The following ENPEP variants were observed in gnomAD, a reference collection of about 807,000 sequenced individuals.
ENPEP encodes AP-A.
In ENPEP, 103 loss-of-function variants were observed where a neutral mutation model predicts 114.5. The observed-to-expected ratio is 0.90, with a 90% CI of 0.77 to 1.06. The LOEUF (loss-of-function observed/expected upper bound fraction) is 1.06. ENPEP is among the 50% of genes least tolerant of loss of function. The pLI, the probability that ENPEP is intolerant of heterozygous loss-of-function variation, is 0.00. For synonymous variants in ENPEP, 420 were observed against 422.0 expected, an observed-to-expected ratio of 1.00 and a Z score of 0.06; for missense variants, 1,196 against 1,161.3, an observed-to-expected ratio of 1.03 and a Z score of -0.43.
At position 110,509,679 on chromosome 4, in the gene ENPEP, A is replaced by C. The variant is rs1457783068; in HGVS notation, c.1066A>C (p.Thr356Pro). 3 of 1,613,356 alleles carry C rather than the reference A, an allele frequency of 1.9e-6. No individual in the cohort carries two copies. The highest frequency in any genetic ancestry group is 1.7e-6 in the Non-Finnish European group (2 of 1,179,854). Residue 356 changes from threonine to proline, a missense_variant, in exon 5 of 20, where the codon ACT becomes CCT. Coordinates refer to ENST00000265162, the MANE Select transcript of ENPEP (RefSeq NM_001977.4). ...LDKIAIPDFG[T>P]GAMENWGLIT... is the part of the protein sequence containing the mutation. Reference sequence around the variant, plus strand: ...TAAAATCGCTATTCCAGATTTTGGCACTGGTGCCATGGAGAACTGGGGACT... The same window carrying C: ...TAAAATCGCTATTCCAGATTTTGGCCCTGGTGCCATGGAGAACTGGGGACT...
At chr4:110,515,742 G>A (rs1412271578) in intron 8 of ENPEP, 1 of 499,978 alleles carries the variant, frequency 2.0e-6, no homozygotes, top group Admixed American at 2.3e-5. Context: ...CCATAGACTG[G>A]GTGGCTTAAA....
At position 110,563,666 on chromosome 4, in the gene ENPEP, A is replaced by G. The variant is rs1727746092; in HGVS notation, c.*2108A>G. The G allele has an allele frequency of 6.6e-6, 1 of 152,228 alleles. No individual in the cohort carries two copies. Among genetic ancestry groups the G allele is most frequent in the Admixed American group, 6.5e-5 (1 of 15,278 alleles). The allele number at this position is 152,228 out of a possible 1,614,324, so 9.4% of individuals were successfully genotyped here. A position where few individuals can be genotyped will look rare whatever the true frequency, so the allele number is the denominator to read the frequency against. ...TTAAATAATTAATTTTAATTGAAAA[A>G]AAGTAACCATTTAATTTCAAGAATT... On this transcript the variant is annotated 3_prime_UTR_variant, in exon 20 of 20. Transcript: ENST00000265162.
At chr4:110,556,848 A>G (rs1727490784) in intron 18 of ENPEP, among the ~76,000 whole-genome samples, 1 of 152,142 alleles carries the variant, frequency 6.6e-6, no homozygotes, top group South Asian at 2.1e-4. Context: ...CCATCCAGTA[A>G]ATATTGTGGA....
intron 11 of ENPEP, among the ~76,000 whole-genome samples, chr4:110,538,528 C>T (rs561436837): frequency 2.3e-4 from 35 of 152,254 alleles, no homozygotes; most frequent in African/African-American, 8.2e-4. Context: ...GCCATCTATC[C>T]GGAGAGCTAG....
chr4:110,498,238 C>T (rs1387725214), intron 3 of ENPEP, among the ~76,000 whole-genome samples: 1 of 152,090 alleles, frequency 6.6e-6, no homozygotes, highest in African/African-American at 2.4e-5. Flanking sequence ...TCAGGTCTTT[C>T]TTGGTGTTAC....
At chr4:110,495,744 T>C (rs1215294290) in intron 3 of ENPEP, among the ~76,000 whole-genome samples, 1 of 152,066 alleles carries the variant, frequency 6.6e-6, no homozygotes, top group Non-Finnish European at 1.5e-5. Flanking sequence ...AATAAATAAG[T>C]AAATAAATAA....
intron 8 of ENPEP, 102 bp from the exon 9 acceptor site, chr4:110,519,906 G>T (rs76487110): frequency 2.2e-5 from 21 of 971,826 alleles, no homozygotes; most frequent in Non-Finnish European, 3.3e-5. Context: ...CTGGTTTTGC[G>T]CAATGGAGGT....
intron 13 of ENPEP, among the ~76,000 whole-genome samples, chr4:110,545,670 A>G (rs1246540382): frequency 6.6e-6 from 1 of 151,986 alleles, no homozygotes; most frequent in African/African-American, 2.4e-5. Context: ...AACTTTGTTG[A>G]TGTTTAATGC....
intron 6 of ENPEP, among the ~76,000 whole-genome samples, chr4:110,510,886 C>G (rs1725549102): frequency 6.6e-6 from 1 of 152,090 alleles, no homozygotes; most frequent in Non-Finnish European, 1.5e-5. Context: ...CCATTTTCTC[C>G]TTTATGAAAT....
At chr4:110,499,377 C>G (rs1725066632) in intron 3 of ENPEP, among the ~76,000 whole-genome samples, 1 of 152,176 alleles carries the variant, frequency 6.6e-6, no homozygotes, top group East Asian at 1.9e-4. Context: ...AGAAAATAGG[C>G]AGCATGATAT....
In ENPEP at chr4:110,526,103, C is replaced by A. The variant is rs9993086; in HGVS notation, c.1728-5095C>A. Reference sequence around the variant, plus strand: ...CCAGCCTGGCCAACATGATGAAACCCCATCTCTACTGAAAATACAAAAATT... The same window carrying A: ...CCAGCCTGGCCAACATGATGAAACCACATCTCTACTGAAAATACAAAAATT... On this transcript the variant is annotated intron_variant, in intron 10 of 19. Coordinates refer to ENST00000265162, the MANE Select transcript of ENPEP (RefSeq NM_001977.4). Among the ~76,000 whole-genome samples the A allele has an allele frequency of 5.3e-5, 8 of 151,876 alleles. No homozygotes were observed. The South Asian group carries it at 8.3e-4, about 16-fold the overall frequency.
At chr4:110,552,402 A>G (rs572996193) in intron 17 of ENPEP, among the ~76,000 whole-genome samples, 15 of 152,314 alleles carry the variant, frequency 9.8e-5, no homozygotes, top group Non-Finnish European at 1.9e-4. Context: ...AAAAGCATAC[A>G]TAATTTAGAA....
intron 6 of ENPEP, among the ~76,000 whole-genome samples, chr4:110,511,072 G>A (rs1393482811): frequency 6.6e-6 from 1 of 152,102 alleles, no homozygotes; most frequent in Admixed American, 6.5e-5. Flanking sequence ...GAGTATTCTT[G>A]ATTGCATATA....
chr4:110,520,016 G>T lies in ENPEP; in HGVS notation c.1518G>T (p.Leu506Phe), dbSNP rs553380288. 6.2e-7 allele frequency: 1 copy of T among 1,613,666 alleles called. No individual in the cohort carries two copies. ...TTATTTTTTACACACAGATGTACTT[G>T]GAAAAATACCAATTCAAGAATGCAA... ...ENFQKGCQMY[L>F]EKYQFKNAKT... is the part of the protein sequence containing the mutation. The change falls in exon 9 of 20, where the codon TTG becomes TTT. Residue 506 changes from leucine (L) to phenylalanine (F), a missense_variant. Physicochemically the swap from Leu to Phe is conservative, Grantham distance 22 (BLOSUM62 0). Coordinates refer to ENST00000265162, the MANE Select transcript of ENPEP (RefSeq NM_001977.4).
chr4:110,560,885 T>G (rs942427842), intron 19 of ENPEP, among the ~76,000 whole-genome samples: 30 of 152,296 alleles, frequency 2.0e-4, no homozygotes, highest in African/African-American at 7.2e-4. Flanking sequence ...AAATTATTCT[T>G]ATTTTTATAG....
intron 11 of ENPEP, among the ~76,000 whole-genome samples, chr4:110,537,930 T>C (rs1726703112): frequency 6.6e-6 from 1 of 152,218 alleles, no homozygotes; most frequent in Admixed American, 6.5e-5. Context: ...GAATCTTTTT[T>C]GGTGAGCAGC....
At chr4:110,548,038 T>G (rs1280218577) in intron 13 of ENPEP, 138 bp from the exon 14 acceptor site, 3 of 1,014,818 alleles carry the variant, frequency 3.0e-6, no homozygotes, top group Non-Finnish European at 3.9e-6. Context: ...TGCAATTTCT[T>G]GATTGTTGAA....
intron 11 of ENPEP, among the ~76,000 whole-genome samples, chr4:110,534,673 A>T (rs1442656386): frequency 3.3e-5 from 5 of 150,668 alleles, no homozygotes; most frequent in African/African-American, 9.8e-5. Flanking sequence ...TCAGCTGGAT[A>T]TTTTTTTGTA....
intron 1 of ENPEP, among the ~76,000 whole-genome samples, chr4:110,480,999 G>C (rs1724293933): frequency 6.6e-6 from 1 of 152,080 alleles, no homozygotes. Context: ...CCCTAAAAGA[G>C]TTTCCCTCTA....
Sources: allele counts gnomAD v4.1 joint callset (sites outside exome capture counted in the v4.1 genomes callset), GRCh38; gene constraint gnomAD v4.1.1; transcripts MANE v1.5; gene names NCBI Gene and HGNC (gene_info 2026-07-23, HGNC 2026-07-21).